Variants in ZNF804A observed in about 807,000 individuals in gnomAD.
The protein encoded by ZNF804A is zinc finger protein 804A.
In ZNF804A, 2 loss-of-function variants were observed where a neutral mutation model predicts 16.5. The ratio of observed to expected loss-of-function variants is 0.12; its 90% CI spans 0.05 to 0.38. The LOEUF (loss-of-function observed/expected upper bound fraction) is 0.38. ZNF804A is among the 10% of genes least tolerant of loss of function. ZNF804A has a pLI of 0.99. For synonymous variants in ZNF804A, 534 were observed against 489.6 expected, an observed-to-expected ratio of 1.09 and a Z score of -1.20; for missense variants, 1,473 against 1,390.7, an observed-to-expected ratio of 1.06 and a Z score of -0.94.
intron 1 of ZNF804A, among the ~76,000 whole-genome samples, chr2:184,751,583 T>C (rs1693878785): frequency 6.6e-6 from 1 of 151,414 alleles, no homozygotes; most frequent in Non-Finnish European, 1.5e-5. Context: ...CATACAAGGA[T>C]TCATGATGAA....
intron 1 of ZNF804A, among the ~76,000 whole-genome samples, chr2:184,727,962 T>C (rs368871226): frequency 8.7e-4 from 132 of 151,776 alleles, no homozygotes; most frequent in African/African-American, 3.0e-3. Flanking sequence ...GGTCTGTGAA[T>C]TGAGAATATA....
chr2:184,671,741 A>G (rs144825553), intron 1 of ZNF804A, among the ~76,000 whole-genome samples: 522 of 152,310 alleles, frequency 3.4e-3, no homozygotes, highest in Middle Eastern at 0.024. Context: ...GCAGAGCCAC[A>G]TTGGCCTCCC....
intron 1 of ZNF804A, among the ~76,000 whole-genome samples, chr2:184,764,371 C>T (rs2105765036): frequency 6.6e-6 from 1 of 152,162 alleles, no homozygotes; most frequent in East Asian, 1.9e-4. Flanking sequence ...TAAAATAAAC[C>T]AAACACGTTT....
chr2:184,877,035 G>A (rs745495434), intron 2 of ZNF804A, among the ~76,000 whole-genome samples: 1 of 151,778 alleles, frequency 6.6e-6, no homozygotes, highest in South Asian at 2.1e-4. Context: ...CTATAAGAAA[G>A]CCAATTAGAG....
intron 1 of ZNF804A, among the ~76,000 whole-genome samples, chr2:184,642,759 G>A (rs1210216941): frequency 1.3e-5 from 2 of 152,092 alleles, no homozygotes; most frequent in East Asian, 3.9e-4. Context: ...GCTCTTGTGT[G>A]CCAAGGATGG....
chr2:184,795,816 A>T (rs901727577), intron 1 of ZNF804A, among the ~76,000 whole-genome samples: 5 of 152,196 alleles, frequency 3.3e-5, no homozygotes, highest in Admixed American at 2.0e-4. Context: ...AAACTAGAAA[A>T]CCTAGAAGAG....
In ZNF804A at chr2:184,776,481, AT is replaced by A. The variant is rs376589278; in HGVS notation, c.112-89876del. On this transcript the variant is annotated intron_variant, in intron 1 of 3. Coordinates refer to ENST00000302277, the MANE Select transcript of ZNF804A (RefSeq NM_194250.2). ...TTGTTGGTTGATTTATATAAACCTC[AT>A]TTTTTTTTTTTGTAAACCTCTGTGT... Among the ~76,000 whole-genome samples, 314 of 144,478 alleles carry A rather than the reference AT, an allele frequency of 2.2e-3. 1 individual carries two copies. Among genetic ancestry groups the A allele is most frequent in the South Asian group, 0.011 (50 of 4,604 alleles). The allele number at this position is 144,478 out of a possible 152,430, so 94.8% of individuals were successfully genotyped here. A position where few individuals can be genotyped will look rare whatever the true frequency, so the allele number is the denominator to read the frequency against.
intron 1 of ZNF804A, among the ~76,000 whole-genome samples, chr2:184,700,322 A>G (rs1391674521): frequency 1.3e-5 from 2 of 152,094 alleles, no homozygotes; most frequent in Non-Finnish European, 2.9e-5. Flanking sequence ...TATCAGTCCT[A>G]TAATTTCCCA....
At chr2:184,794,568 A>G (rs753056228) in intron 1 of ZNF804A, among the ~76,000 whole-genome samples, 5 of 152,084 alleles carry the variant, frequency 3.3e-5, no homozygotes, top group Non-Finnish European at 4.4e-5. Context: ...TAGTACCTAT[A>G]GAACAAAAAT....
chr2:184,601,075 G>A (rs920254973), intron 1 of ZNF804A, among the ~76,000 whole-genome samples: 2 of 151,990 alleles, frequency 1.3e-5, no homozygotes, highest in Non-Finnish European at 2.9e-5. Flanking sequence ...ATTTTAAAAC[G>A]GCCCAAGTTT....
chr2:184,626,159 C>T (rs967111168), intron 1 of ZNF804A, among the ~76,000 whole-genome samples: 1 of 152,104 alleles, frequency 6.6e-6, no homozygotes, highest in Admixed American at 6.6e-5. Flanking sequence ...TGAGCCACCG[C>T]GCCCGGCCCG....
intron 1 of ZNF804A, among the ~76,000 whole-genome samples, chr2:184,806,299 A>G (rs1349864731): frequency 6.6e-6 from 1 of 151,772 alleles, no homozygotes; most frequent in Non-Finnish European, 1.5e-5. Flanking sequence ...TCGTGTCTTT[A>G]TTTTTCTTTA....
intron 2 of ZNF804A, among the ~76,000 whole-genome samples, chr2:184,907,453 T>A (rs1019341992): frequency 6.6e-6 from 1 of 152,180 alleles, no homozygotes; most frequent in South Asian, 2.1e-4. Context: ...CTCCCTCTTC[T>A]GAAAGAAGTA....
At chr2:184,675,315 C>T (rs1275942258) in intron 1 of ZNF804A, among the ~76,000 whole-genome samples, 1 of 151,724 alleles carries the variant, frequency 6.6e-6, no homozygotes, top group African/African-American at 2.4e-5. Flanking sequence ...ATTTTTACAA[C>T]TACTGCTGTT....
chr2:184,813,652 G>A (rs922885462), intron 1 of ZNF804A, among the ~76,000 whole-genome samples: 13 of 152,008 alleles, frequency 8.6e-5, no homozygotes, highest in African/African-American at 2.2e-4. Context: ...GCAGTTTTAC[G>A]TTGTGATTTT....
chr2:184,698,803 A>T (rs1422850839), intron 1 of ZNF804A, among the ~76,000 whole-genome samples: 1 of 152,098 alleles, frequency 6.6e-6, no homozygotes, highest in Non-Finnish European at 1.5e-5. Flanking sequence ...TCACATCCAG[A>T]TGCAATACTG....
At chr2:184,663,439 G>C (rs1374123024) in intron 1 of ZNF804A, among the ~76,000 whole-genome samples, 1 of 152,144 alleles carries the variant, frequency 6.6e-6, no homozygotes, top group East Asian at 1.9e-4. Context: ...GTGTTGAGAA[G>C]GGTGGTAGGG....
At chr2:184,663,367 C>T (rs935282671) in intron 1 of ZNF804A, among the ~76,000 whole-genome samples, 1 of 152,162 alleles carries the variant, frequency 6.6e-6, no homozygotes, top group Non-Finnish European at 1.5e-5. Flanking sequence ...GCTGATATGC[C>T]ATTCCCTTGC....
At chr2:184,899,175 C>T (rs1280859255) in intron 2 of ZNF804A, among the ~76,000 whole-genome samples, 3 of 151,854 alleles carry the variant, frequency 2.0e-5, no homozygotes, top group Non-Finnish European at 4.4e-5. Flanking sequence ...AATTAGTCTA[C>T]TAGAAGTTCT....
Sources: gnomAD v4.1 joint callset for allele counts (sites outside exome capture counted in the v4.1 genomes callset) on GRCh38, gnomAD v4.1.1 for gene constraint, MANE v1.5 for transcripts, NCBI Gene and HGNC (gene_info 2026-07-23, HGNC 2026-07-21) for gene names.